The following MCPH1 variants were observed in gnomAD, a reference collection of about 807,000 sequenced individuals.
MCPH1 encodes microcephalin 1, also known as microcephalin.
A neutral mutation model predicts 84.5 loss-of-function variants in MCPH1; 104 were observed. The observed-to-expected ratio is 1.23, with a 90% CI of 1.05 to 1.45. The LOEUF is 1.45. Among genes scored for constraint, MCPH1 ranks in the 40% most tolerant of loss-of-function variants. The pLI is 0.00. For missense variants in MCPH1, 1,498 were observed against 1,005.7 expected (o/e 1.49, Z -6.62); for synonymous variants, 514 against 366.8 (o/e 1.40, Z -4.58).
At chr8:6,426,143 C>G (rs938209780) in intron 3 of MCPH1, among the ~76,000 whole-genome samples, 7 of 152,306 alleles carry the variant, frequency 4.6e-5, no homozygotes, top group Admixed American at 2.6e-4. Context: ...CAGCATTCTG[C>G]TCACCCCATT....
intron 12 of MCPH1, among the ~76,000 whole-genome samples, chr8:6,570,439 A>T (rs1826558942): frequency 1.3e-5 from 2 of 152,218 alleles, no homozygotes; most frequent in East Asian, 3.8e-4. Context: ...ATGTGTTTTC[A>T]GGCCATTTCC....
At chr8:6,546,706 A>G (rs1482957535) in intron 12 of MCPH1, among the ~76,000 whole-genome samples, 1 of 152,224 alleles carries the variant, frequency 6.6e-6, no homozygotes, top group Non-Finnish European at 1.5e-5. Flanking sequence ...CCATGAGCTG[A>G]GAAAGTTTGA....
intron 3 of MCPH1, among the ~76,000 whole-genome samples, chr8:6,416,324 T>G (rs574234940): frequency 6.6e-6 from 1 of 151,820 alleles, no homozygotes; most frequent in Non-Finnish European, 1.5e-5. Context: ...TTATTTGTTC[T>G]GGCCAGAACC....
intron 12 of MCPH1, among the ~76,000 whole-genome samples, chr8:6,503,890 A>G (rs1192152621): frequency 6.6e-6 from 1 of 152,216 alleles, no homozygotes; most frequent in Non-Finnish European, 1.5e-5. Context: ...GCTTGGCCAA[A>G]AACAGGAGCA....
chr8:6,534,296 G>T (rs1229207495), intron 12 of MCPH1, among the ~76,000 whole-genome samples: 1 of 152,146 alleles, frequency 6.6e-6, no homozygotes, highest in African/African-American at 2.4e-5. Context: ...ATTGTGTTAG[G>T]TATTCTAAGC....
At chr8:6,472,757 C>T (rs534080286) in intron 9 of MCPH1, among the ~76,000 whole-genome samples, 99 of 152,254 alleles carry the variant, frequency 6.5e-4, no homozygotes, top group Admixed American at 3.9e-4. Flanking sequence ...GATAAGCCAC[C>T]ATGTCCAGCC....
intron 12 of MCPH1, among the ~76,000 whole-genome samples, chr8:6,510,485 G>C (rs1360560986): frequency 6.6e-6 from 1 of 152,226 alleles, no homozygotes; most frequent in Non-Finnish European, 1.5e-5. Flanking sequence ...ATACAAAGAA[G>C]AGAGAAAATG....
At chr8:6,414,644 T>C (rs979791482) in intron 2 of MCPH1, 121 bp from the exon 3 acceptor site, 1 of 1,038,244 alleles carries the variant, frequency 9.6e-7, no homozygotes, top group Admixed American at 2.3e-5. Flanking sequence ...TGCATTCCTT[T>C]GAGTGTTTCT....
At chr8:6,501,617 C>G (rs1354081295) in intron 12 of MCPH1, 1 of 139,476 alleles carries the variant, frequency 7.2e-6, no homozygotes, top group East Asian at 2.1e-4. Context: ...TGCAGTGGTG[C>G]GATCTTGGCT....
intron 13 of MCPH1, among the ~76,000 whole-genome samples, chr8:6,624,729 G>A (rs781541157): frequency 2.6e-5 from 4 of 151,928 alleles, no homozygotes; most frequent in Admixed American, 6.6e-5. Context: ...GGTAGCTGCC[G>A]CTATGTACAA....
chr8:6,621,546 C>A lies in MCPH1; in HGVS notation c.2307C>A (p.Ser769Arg), dbSNP rs1387093436. 7.4e-6 allele frequency: 12 copies of A among 1,613,566 alleles called. No homozygotes were observed. The highest frequency in any genetic ancestry group is 1.0e-5 in the Non-Finnish European group (12 of 1,179,610). The change falls in exon 13 of 14, where the codon AGC (serine) becomes AGA (arginine). Residue 769 changes from serine to arginine, a missense_variant. Physicochemically the swap from Ser to Arg is moderately radical, Grantham distance 110. Transcript: ENST00000344683. Reference sequence around the variant, plus strand: ...CGATGTTTGTCTCGCCTGCCAGCAGCCCCCCAGTGGCCAAGCTCTGTGAAC... The same window carrying A: ...CGATGTTTGTCTCGCCTGCCAGCAGACCCCCAGTGGCCAAGCTCTGTGAAC... ...QPAMFVSPASSPPVAKLCELV... is the reference protein window; with the variant it reads ...QPAMFVSPASRPPVAKLCELV...
At chr8:6,488,046 C>G (rs1810139508) in intron 11 of MCPH1, among the ~76,000 whole-genome samples, 1 of 152,218 alleles carries the variant, frequency 6.6e-6, no homozygotes, top group South Asian at 2.1e-4. Flanking sequence ...ATAATGGATT[C>G]TGGTTTTGCC....
At chr8:6,548,747 C>G (rs1823058909) in intron 12 of MCPH1, among the ~76,000 whole-genome samples, 1 of 152,206 alleles carries the variant, frequency 6.6e-6, no homozygotes. Context: ...ACAAGCATCT[C>G]TCTCTGATGA....
intron 12 of MCPH1, among the ~76,000 whole-genome samples, chr8:6,522,425 G>C (rs1169643206): frequency 6.6e-6 from 1 of 151,950 alleles, no homozygotes; most frequent in Admixed American, 6.6e-5. Context: ...ATGAATGTTT[G>C]TTAACGTTAA....
chr8:6,430,476 C>T (rs914244517), intron 3 of MCPH1, among the ~76,000 whole-genome samples: 2 of 152,222 alleles, frequency 1.3e-5, no homozygotes, highest in Non-Finnish European at 2.9e-5. Context: ...GCCAGGATGA[C>T]ATTCACTACC....
intron 8 of MCPH1, chr8:6,446,325 A>G (rs79010412): frequency 0.023 from 22,338 of 985,248 alleles, 1,277 homozygotes; most frequent in African/African-American, 0.2. Context: ...TTAGGTTAAA[A>G]TTTGAGTGAG....
chr8:6,441,070 C>T (rs911778589), intron 6 of MCPH1, among the ~76,000 whole-genome samples: 2 of 152,180 alleles, frequency 1.3e-5, no homozygotes, highest in African/African-American at 2.4e-5. Flanking sequence ...TGTCTAATTC[C>T]ATTGGCTGGA....
At chr8:6,571,647 A>C (rs919143418) in intron 12 of MCPH1, among the ~76,000 whole-genome samples, 1 of 152,168 alleles carries the variant, frequency 6.6e-6, no homozygotes, top group Non-Finnish European at 1.5e-5. Flanking sequence ...TGCTATTTAC[A>C]TTAAGATATA....
intron 2 of MCPH1, 64 bp downstream of exon 2, chr8:6,409,434 G>C: frequency 7.4e-7 from 1 of 1,348,614 alleles, no homozygotes; most frequent in Non-Finnish European, 1.1e-6. Flanking sequence ...AGTTACATTT[G>C]CATTTTCTTA....
Sources: allele counts gnomAD v4.1 joint callset (sites outside exome capture counted in the v4.1 genomes callset), GRCh38; gene constraint gnomAD v4.1.1; transcripts MANE v1.5; gene names NCBI Gene and HGNC (gene_info 2026-07-23, HGNC 2026-07-21).